The following TRPM2 variants were observed in gnomAD, a reference collection of about 807,000 sequenced individuals.
TRPM2 encodes the protein estrogen-responsive element-associated gene 1 protein.
In TRPM2, 161 loss-of-function variants were observed where a neutral mutation model predicts 174.0. The observed-to-expected ratio is 0.93, with a 90% CI of 0.81 to 1.05. The LOEUF (loss-of-function observed/expected upper bound fraction) is 1.05. TRPM2 is among the 50% of genes least tolerant of loss of function. TRPM2 has a pLI of 0.00. For missense variants in TRPM2, 2,057 were observed against 2,038.0 expected, an observed-to-expected ratio of 1.01 and a Z score of -0.18; for synonymous variants, 954 against 861.3, an observed-to-expected ratio of 1.11 and a Z score of -1.88.
At chr21:44,437,267 G>A in intron 29 of TRPM2, 100 bp downstream of exon 29, 2 of 1,107,822 alleles carry the variant, frequency 1.8e-6, no homozygotes, top group South Asian at 1.4e-5. Flanking sequence ...GCCCCCTGCA[G>A]CCCCCTGCAG....
rs577203602 is a variant in TRPM2, at chr21:44,367,956, C to T, written c.604+1022C>T. Among the ~76,000 whole-genome samples the T allele has an allele frequency of 3.3e-5, 5 of 152,368 alleles. No homozygotes were observed. Among genetic ancestry groups the T allele is most frequent in the African/African-American group, 1.2e-4 (5 of 41,586 alleles). On this transcript the variant is annotated intron_variant, in intron 4 of 31. Coordinates refer to ENST00000397928, the MANE Select transcript of TRPM2 (RefSeq NM_003307.4). The surrounding 1 kb of genome is among the most constrained non-coding windows in gnomAD (Gnocchi z 4.6). ...GGCTCTTTCTGAAGCTTTGCTGCCTCAAATAATGCCATGGATTTGTTCAGG... is the reference window on the plus strand; with the variant it reads ...GGCTCTTTCTGAAGCTTTGCTGCCTTAAATAATGCCATGGATTTGTTCAGG...
chr21:44,374,822 A>G (rs1160499134), intron 5 of TRPM2, among the ~76,000 whole-genome samples: 1 of 152,146 alleles, frequency 6.6e-6, no homozygotes, highest in Non-Finnish European at 1.5e-5. Context: ...CTCACAGGCC[A>G]CAGACCATTA....
In TRPM2 at chr21:44,353,760, G is replaced by T. The variant is rs2047974627; in HGVS notation, c.60G>T (p.Leu20=). 1.3e-6 allele frequency: 2 copies of T among 1,598,924 alleles called. No individual in the cohort carries two copies. The highest frequency in any genetic ancestry group is 1.4e-5 in the African/African-American group (1 of 73,830). ...GSEQEEGFEG[L]PRRVTDLGMV... ...AGCAGGAGGAGGGCTTTGAGGGGCT[G>T]CCCAGAAGGGTCACTGACCTGGGGA... The change falls in exon 1 of 32, where the codon CTG becomes CTT. Residue 20 remains leucine, a synonymous_variant. Coordinates refer to ENST00000397928, the MANE Select transcript of TRPM2 (RefSeq NM_003307.4).
intron 2 of TRPM2, among the ~76,000 whole-genome samples, chr21:44,361,482 G>A (rs190014664): frequency 1.9e-3 from 282 of 152,276 alleles, no homozygotes; most frequent in Middle Eastern, 3.4e-3. Flanking sequence ...TACACTTCAA[G>A]TGAGATTTTG....
At position 44,427,123 on chromosome 21, in the gene TRPM2, C is replaced by G; in HGVS notation, c.3974+12C>G. On this transcript the variant is annotated intron_variant, in intron 27 of 31. Coordinates refer to ENST00000397928, the MANE Select transcript of TRPM2 (RefSeq NM_003307.4). ...GCCGGGTTGCCCCTGTGAGTGTGCC[C>G]CCTGCGGGCCCCGCCCCGTCAGCCT... 10 of 1,564,562 alleles carry G rather than the reference C, an allele frequency of 6.4e-6. No homozygotes were observed. The highest frequency in any genetic ancestry group is 8.7e-6 in the Non-Finnish European group (10 of 1,153,714).
intron 9 of TRPM2, among the ~76,000 whole-genome samples, chr21:44,383,230 T>C (rs1338577260): frequency 6.6e-6 from 1 of 152,196 alleles, no homozygotes; most frequent in Non-Finnish European, 1.5e-5. Context: ...ACTTGAGCTG[T>C]AGTGGCTCTC....
rs1251309612 is a variant in TRPM2 at position 44,364,252 on chromosome 21, C to T, written c.393C>T (p.Val131=). 1 of 1,614,098 alleles carries T rather than the reference C, an allele frequency of 6.2e-7. No individual in the cohort carries two copies. The highest frequency in any genetic ancestry group is 1.3e-5 in the African/African-American group (1 of 74,944). ...CAACCGATGCCTTTGGCGACATCGT[C>T]TTCACGGGCCTGAGCCAGAAGGTGA... The part of the protein sequence containing the change: ...EMPTDAFGDI[V]FTGLSQKVKK... The change falls in exon 3 of 32, where the codon GTC becomes GTT. Residue 131 remains valine, a synonymous_variant. Transcript: ENST00000397928.
At chr21:44,362,716 T>A (rs534413488) in intron 2 of TRPM2, among the ~76,000 whole-genome samples, 1 of 152,300 alleles carries the variant, frequency 6.6e-6, no homozygotes, top group Non-Finnish European at 1.5e-5. Context: ...TGTCTGCTCG[T>A]GACAAATTCC....
Position 44,391,061 on chromosome 21 carries a change from T to G in TRPM2, c.1440+36T>G, listed in dbSNP as rs766623829. ...CAGAGCACCCCGTGGAGGGGCCTAC[T>G]GGGCCCACATGCATTGCACCACTGA... is the stretch of plus-strand genomic sequence containing the variant. On this transcript the variant is annotated intron_variant, in intron 10 of 31. Transcript: ENST00000397928. The surrounding 1 kb of genome is among the most constrained non-coding windows in gnomAD (Gnocchi z 5.0). The G allele has an allele frequency of 6.2e-6, 10 of 1,612,704 alleles. No homozygotes were observed. The highest frequency in any genetic ancestry group is 1.3e-5 in the African/African-American group (1 of 74,906).
At position 44,364,274 on chromosome 21, in the gene TRPM2, G is replaced by A. The variant is rs1894327881; in HGVS notation, c.415G>A (p.Val139Met). 13 of 1,614,002 alleles carry A rather than the reference G, an allele frequency of 8.1e-6. No homozygotes were observed. Among genetic ancestry groups the A allele is most frequent in the African/African-American group, 2.7e-5 (2 of 74,936 alleles). Residue 139 changes from valine (V) to methionine (M), a missense_variant, in exon 3 of 32, where the codon GTG becomes ATG. By Grantham distance (21) the Val-to-Met change is conservative. Transcript: ENST00000397928. ...CGTCTTCACGGGCCTGAGCCAGAAG[G>A]TGAAAAAGGTTGGTTTCCATCACTC... ...DIVFTGLSQK[V>M]KKYVRVSQDT...
At chr21:44,428,699 CCCCTGAGATGTGGCTCCT>C (rs1469253500) in intron 27 of TRPM2, among the ~76,000 whole-genome samples, 15 of 26,314 alleles carry the variant, frequency 5.7e-4, no homozygotes, top group African/African-American at 1.1e-3. Context: ...TGTGGCTCCT[CCCCTGAGATGTGGCTCCT>C]CCCTGAGGTG....
rs184109424 is a variant in TRPM2, at chr21:44,383,278, G to T, written c.1318+458G>T. ...GTTGCTTAGCCTGGCCCATTCTCCA[G>T]GCCACAAACATCACTGTCCTCTTCT... On this transcript the variant is annotated intron_variant, in intron 9 of 31. Transcript: ENST00000397928. Among the ~76,000 whole-genome samples the T allele has an allele frequency of 9.0e-4, 137 of 152,276 alleles. 1 individual carries two copies. Among genetic ancestry groups the T allele is most frequent in the African/African-American group, 3.2e-3 (134 of 41,542 alleles).
chr21:44,432,810 C>G lies in TRPM2; in HGVS notation c.3975-2321C>G, dbSNP rs2051072862. 6.6e-6 allele frequency among the ~76,000 whole-genome samples: 1 copy of G among 152,194 alleles called. No homozygotes were observed. Among genetic ancestry groups the G allele is most frequent in the South Asian group, 2.1e-4 (1 of 4,832 alleles). On this transcript the variant is annotated intron_variant, in intron 27 of 31. Transcript: ENST00000397928. This position sits in a 1 kb window ranked among gnomAD's most constrained non-coding sequence, Gnocchi z 4.9. ...CCTCAACCCACCTGCATTTCTGGAG[C>G]TGAGTGGATGAGTGAATGAACGTGT...
At chr21:44,382,955 G>A (rs28483666) in intron 9 of TRPM2, 135 bp downstream of exon 9, 11,007 of 899,852 alleles carry the variant, frequency 0.012, 521 homozygotes, top group African/African-American at 0.12. Flanking sequence ...CTGGCCAGAG[G>A]GCAGCTGGCG....
intron 11 of TRPM2, among the ~76,000 whole-genome samples, chr21:44,394,553 T>C (rs1195595389): frequency 6.6e-6 from 1 of 151,442 alleles, no homozygotes; most frequent in Non-Finnish European, 1.5e-5. Flanking sequence ...TCTCCTGACC[T>C]CGTGATACTC....
At chr21:44,385,183 T>C (rs1432883765) in intron 9 of TRPM2, among the ~76,000 whole-genome samples, 5 of 152,158 alleles carry the variant, frequency 3.3e-5, no homozygotes, top group Non-Finnish European at 7.4e-5. Context: ...AAAAACATGA[T>C]TATCTCAACT....
Position 44,418,034 on chromosome 21 carries a change from T to A in TRPM2, c.3254T>A (p.Ile1085Asn), listed in dbSNP as rs771589546. 17 of 1,613,086 alleles carry A rather than the reference T, an allele frequency of 1.1e-5. No homozygotes were observed. In the African/African-American group the frequency reaches 1.9e-4, roughly 18 times the overall value. The change falls in exon 21 of 32, where the codon ATC (isoleucine) becomes AAC (asparagine). Residue 1085 changes from isoleucine (I) to asparagine (N), a missense_variant. Ile to Asn is a moderately radical substitution (Grantham distance 149). Coordinates refer to ENST00000397928, the MANE Select transcript of TRPM2 (RefSeq NM_003307.4). ...CGCCCCGCCGCGCCGCCCCCCTTCATCCTCCTCAGCCACCTGCAGCTCTTC... is the reference window on the plus strand; with the variant it reads ...CGCCCCGCCGCGCCGCCCCCCTTCAACCTCCTCAGCCACCTGCAGCTCTTC... ...HGRPAAPPPF[I>N]LLSHLQLFIK... is the part of the protein sequence containing the mutation.
At chr21:44,409,214 C>T (rs1305366942) in intron 19 of TRPM2, among the ~76,000 whole-genome samples, 1 of 152,086 alleles carries the variant, frequency 6.6e-6, no homozygotes, top group African/African-American at 2.4e-5. Flanking sequence ...AAAACCATTG[C>T]CGTGATTTAT....
intron 2 of TRPM2, among the ~76,000 whole-genome samples, chr21:44,359,078 A>G (rs12626373): frequency 1.1e-5 from 1 of 93,366 alleles, no homozygotes; most frequent in Non-Finnish European, 2.2e-5. Context: ...TTTACAGAGC[A>G]CTGCTTGGTC....
Sources: gnomAD v4.1 joint callset for allele counts (sites outside exome capture counted in the v4.1 genomes callset) on GRCh38, gnomAD v4.1.1 for gene constraint, Gnocchi (gnomAD v3.1) non-coding constraint, MANE v1.5 for transcripts, NCBI Gene and HGNC (gene_info 2026-07-23, HGNC 2026-07-21) for gene names.